The following DNAJC13 variants were observed in gnomAD, a reference collection of about 807,000 sequenced individuals.
DNAJC13 encodes the protein DnaJ heat shock protein family (Hsp40) member C13, also known as dnaJ homolog subfamily C member 13.
A neutral mutation model predicts 290.5 loss-of-function variants in DNAJC13; 75 were observed. That is an observed-to-expected ratio of 0.26 (90% confidence interval 0.21 to 0.31). The LOEUF is 0.31. Among genes scored for constraint, DNAJC13 ranks in the 10% least tolerant of loss-of-function variants. The probability of loss-of-function intolerance (pLI) is 1.00; values close to 1 mark genes in which losing one functional copy is unlikely to be tolerated. For missense variants in DNAJC13, 2,260 were observed against 2,674.5 expected (o/e 0.85, Z 3.42); for synonymous variants, 862 against 892.0 (o/e 0.97, Z 0.60).
intron 55 of DNAJC13, among the ~76,000 whole-genome samples, chr3:132,533,816 A>G (rs945924773): frequency 1.3e-4 from 20 of 152,238 alleles, no homozygotes; most frequent in African/African-American, 4.6e-4. Context: ...CTTGACTTAC[A>G]GAGTGTGAAC....
intron 20 of DNAJC13, among the ~76,000 whole-genome samples, chr3:132,467,796 G>A (rs1934052584): frequency 6.6e-6 from 1 of 152,184 alleles, no homozygotes; most frequent in South Asian, 2.1e-4. Context: ...TCATATTTTT[G>A]TATACATTTT....
rs186752379 is a variant in DNAJC13 at position 132,521,939 on chromosome 3, G to A, written c.5674-889G>A. Among the ~76,000 whole-genome samples, 15 of 152,258 alleles carry A rather than the reference G, an allele frequency of 9.9e-5. No homozygotes were observed. The East Asian group carries it at 2.5e-3, about 25-fold the overall frequency. On this transcript the variant is annotated intron_variant, in intron 48 of 55. Coordinates refer to ENST00000260818, the MANE Select transcript of DNAJC13 (RefSeq NM_015268.4). ...AGCAACTGACATGATTTTATTTTGT[G>A]GGTGTTCTGTTATGTAATTGAAATT...
chr3:132,494,335 A>C, intron 34 of DNAJC13, 76 bp downstream of exon 34: 1 of 1,117,302 alleles, frequency 9.0e-7, no homozygotes, highest in Non-Finnish European at 1.3e-6. Context: ...GTTATATTTA[A>C]ATCAATCATT....
intron 54 of DNAJC13, 89 bp downstream of exon 54, chr3:132,528,421 A>G: frequency 6.7e-7 from 1 of 1,490,344 alleles, no homozygotes; most frequent in Non-Finnish European, 9.1e-7. Flanking sequence ...AGTTCCACTT[A>G]CAGATATGGT....
chr3:132,425,144 A>G (rs114778431), intron 1 of DNAJC13, among the ~76,000 whole-genome samples: 1,791 of 152,270 alleles, frequency 0.012, 29 homozygotes, highest in African/African-American at 0.041. Flanking sequence ...AGAAGCCAAT[A>G]TAAGATATTC....
chr3:132,418,930 A>G (rs957484919), intron 1 of DNAJC13, among the ~76,000 whole-genome samples: 7 of 152,262 alleles, frequency 4.6e-5, no homozygotes, highest in Admixed American at 3.3e-4. Context: ...ATAAATTTAT[A>G]GAAACCACTT....
At chr3:132,525,924 T>G in intron 52 of DNAJC13, 135 bp downstream of exon 52, 1 of 1,211,312 alleles carries the variant, frequency 8.3e-7, no homozygotes, top group South Asian at 1.6e-5. Context: ...ACATGGTATT[T>G]TATTAGTTCT....
At chr3:132,499,383 C>G (rs1935341624) in intron 37 of DNAJC13, 73 bp downstream of exon 37, 1 of 1,248,674 alleles carries the variant, frequency 8.0e-7, no homozygotes. Flanking sequence ...GTGAAGAATT[C>G]AGCAAGTACA....
At position 132,509,280 on chromosome 3, in the gene DNAJC13, G is replaced by A. The variant is rs1246247368; in HGVS notation, c.5116-1787G>A. On this transcript the variant is annotated intron_variant, in intron 43 of 55. Coordinates refer to ENST00000260818, the MANE Select transcript of DNAJC13 (RefSeq NM_015268.4). Reference sequence around the variant, plus strand: ...TCATGGATGACTTTGAGAAGTTCAAGATTCCAGTGGAGGAAGTCACTGCAG... The same window carrying A: ...TCATGGATGACTTTGAGAAGTTCAAAATTCCAGTGGAGGAAGTCACTGCAG... Among the ~76,000 whole-genome samples, 8 of 152,350 alleles carry A rather than the reference G, an allele frequency of 5.3e-5. No individual in the cohort carries two copies. In the East Asian group the frequency reaches 1.4e-3, roughly 26 times the overall value.
At chr3:132,506,679 G>A (rs1000211182) in intron 42 of DNAJC13, among the ~76,000 whole-genome samples, 3 of 148,066 alleles carry the variant, frequency 2.0e-5, no homozygotes, top group Non-Finnish European at 4.4e-5. Flanking sequence ...AGCCTCCCAA[G>A]TAGCTGGGAC....
chr3:132,505,932 G>A (rs1458966150), intron 42 of DNAJC13, among the ~76,000 whole-genome samples: 1 of 151,170 alleles, frequency 6.6e-6, no homozygotes, highest in Admixed American at 6.6e-5. Flanking sequence ...TAACATCTCA[G>A]TTATTTAGCG....
chr3:132,526,154 C>G lies in DNAJC13; in HGVS notation c.6254C>G (p.Ala2085Gly). The G allele has an allele frequency of 6.2e-7, 1 of 1,613,964 alleles. No individual in the cohort carries two copies. Among genetic ancestry groups the G allele is most frequent in the Non-Finnish European group, 8.5e-7 (1 of 1,179,932 alleles). Residue 2085 changes from alanine to glycine, a missense_variant, in exon 53 of 56, where the codon GCC (alanine) becomes GGC (glycine). By Grantham distance (60) the Ala-to-Gly change is moderately conservative. Transcript: ENST00000260818. ...TTGGGCACTTAGCTGTGTGTTCGAG[C>G]CATGGCATCTTTAGAGACCATTGGC... ...ALSENELCVRAMASLETIGPL... is the reference protein window; with the variant it reads ...ALSENELCVRGMASLETIGPL...
intron 28 of DNAJC13, 51 bp downstream of exon 28, chr3:132,483,628 A>G (rs756612391): frequency 1.3e-6 from 2 of 1,534,868 alleles, no homozygotes; most frequent in Admixed American, 1.7e-5. Context: ...TTCCTTAGTA[A>G]CAGCATAGAA....
chr3:132,424,255 A>G (rs2107639746), intron 1 of DNAJC13, among the ~76,000 whole-genome samples: 1 of 152,274 alleles, frequency 6.6e-6, no homozygotes, highest in Non-Finnish European at 1.5e-5. Context: ...CTTTCACAGA[A>G]AATTTGAATT....
intron 55 of DNAJC13, among the ~76,000 whole-genome samples, chr3:132,532,912 A>AATTGTTATTATTATTATTATT (rs1553753687): frequency 3.5e-5 from 5 of 141,828 alleles, no homozygotes; most frequent in African/African-American, 1.4e-4. Flanking sequence ...TAATTTTTGT[A>AATTGTTATTATTATTATTATT]ATTATTATTA....
At chr3:132,502,257 A>C in intron 39 of DNAJC13, 32 bp from the exon 40 acceptor site, 1 of 1,498,934 alleles carries the variant, frequency 6.7e-7, no homozygotes, top group South Asian at 1.4e-5. Flanking sequence ...TTAACTCTGT[A>C]ACAACTAATG....
At chr3:132,528,354 T>C (rs1299845347) in intron 54 of DNAJC13, 22 bp downstream of exon 54, 4 of 1,612,124 alleles carry the variant, frequency 2.5e-6, no homozygotes. Context: ...TAGAGTCAAC[T>C]TTTGATATTC....
intron 38 of DNAJC13, 28 bp downstream of exon 38, chr3:132,499,836 A>T: frequency 6.3e-7 from 1 of 1,590,670 alleles, no homozygotes; most frequent in Non-Finnish European, 8.6e-7. Context: ...GGTTCCAAGA[A>T]AATTGCACTA....
At chr3:132,467,093 G>C in intron 19 of DNAJC13, 77 bp from the exon 20 acceptor site, 3 of 1,467,984 alleles carry the variant, frequency 2.0e-6, no homozygotes, top group Non-Finnish European at 2.7e-6. Flanking sequence ...AAAATAGATA[G>C]AATGACTCAG....
Sources: allele counts gnomAD v4.1 joint callset (sites outside exome capture counted in the v4.1 genomes callset), GRCh38; gene constraint gnomAD v4.1.1; transcripts MANE v1.5; gene names NCBI Gene and HGNC (gene_info 2026-07-23, HGNC 2026-07-21).